The following ABLIM1 variants were observed in gnomAD, a reference collection of about 807,000 sequenced individuals.
ABLIM1 encodes the protein actin-binding LIM protein 1.
ABLIM1 carries 40 observed loss-of-function variants against 107.0 expected under a neutral mutation model. The observed-to-expected ratio is 0.37, with a 90% CI of 0.29 to 0.49. The LOEUF (loss-of-function observed/expected upper bound fraction) is 0.49, where lower values mean the gene tolerates loss of function less well. ABLIM1 is among the 20% of genes least tolerant of loss of function. The pLI is 0.97. For synonymous variants in ABLIM1, 357 were observed against 357.3 expected, an observed-to-expected ratio of 1.00 and a Z score of 0.01; for missense variants, 857 against 1,008.5, an observed-to-expected ratio of 0.85 and a Z score of 2.04.
At chr10:114,737,663 C>T (rs919364240) in intron 1 of ABLIM1, among the ~76,000 whole-genome samples, 1 of 152,062 alleles carries the variant, frequency 6.6e-6, no homozygotes, top group Non-Finnish European at 1.5e-5. Context: ...AGATGATGTA[C>T]TAAAGGAACT....
At chr10:114,700,732 C>T (rs532634834) in intron 1 of ABLIM1, among the ~76,000 whole-genome samples, 1 of 150,060 alleles carries the variant, frequency 6.7e-6, no homozygotes, top group African/African-American at 2.5e-5. Flanking sequence ...ATTATATATC[C>T]CTGTGAAAAA....
chr10:114,494,258 C>T (rs142322125), intron 6 of ABLIM1, among the ~76,000 whole-genome samples: 3 of 152,306 alleles, frequency 2.0e-5, no homozygotes, highest in Admixed American at 6.5e-5. Flanking sequence ...CCAGTCTGGG[C>T]GTGGTGGCTC....
At chr10:114,477,614 C>T (rs533568419) in intron 8 of ABLIM1, among the ~76,000 whole-genome samples, 3 of 152,296 alleles carry the variant, frequency 2.0e-5, no homozygotes, top group Admixed American at 6.5e-5. Context: ...TGAAGAACAA[C>T]GCACGCACAT....
intron 1 of ABLIM1, among the ~76,000 whole-genome samples, chr10:114,663,878 G>A (rs532331183): frequency 5.3e-5 from 8 of 152,320 alleles, no homozygotes; most frequent in Admixed American, 2.0e-4. Flanking sequence ...GGTACACGGT[G>A]CCTGCCTGCT....
the ABLIM1 span, among the ~76,000 whole-genome samples, chr10:114,799,428 TCTC>T: frequency 6.6e-6 from 1 of 152,200 alleles, no homozygotes; most frequent in Non-Finnish European, 1.5e-5. Context: ...CTCTTCAGCA[TCTC>T]CATCTGGATA....
chr10:114,542,605 A>C (rs1311380487), intron 6 of ABLIM1, among the ~76,000 whole-genome samples: 1 of 150,768 alleles, frequency 6.6e-6, no homozygotes, highest in Non-Finnish European at 1.5e-5. Flanking sequence ...AGGAAGAAGA[A>C]GAAAAAAGAA....
intron 1 of ABLIM1, among the ~76,000 whole-genome samples, chr10:114,609,964 C>T (rs147384925): frequency 7.2e-4 from 110 of 152,290 alleles, no homozygotes; most frequent in African/African-American, 2.5e-3. Flanking sequence ...TAAGAAGAAA[C>T]AGTCTTACTT....
At chr10:114,654,949 T>C (rs1446890403) in intron 1 of ABLIM1, among the ~76,000 whole-genome samples, 1 of 152,184 alleles carries the variant, frequency 6.6e-6, no homozygotes. Context: ...GTGGCATTTC[T>C]TTCCCAAGAC....
intron 8 of ABLIM1, among the ~76,000 whole-genome samples, chr10:114,481,445 A>G (rs558699080): frequency 1.3e-5 from 2 of 151,666 alleles, no homozygotes; most frequent in South Asian, 4.2e-4. Context: ...GGTGACTGAC[A>G]CCTTATACTA....
intron 1 of ABLIM1, among the ~76,000 whole-genome samples, chr10:114,670,141 G>A (rs116153637): frequency 1.9e-3 from 295 of 152,230 alleles, no homozygotes; most frequent in African/African-American, 6.8e-3. Flanking sequence ...GCTGAAGAAC[G>A]CGGGCCAAAG....
intron 1 of ABLIM1, among the ~76,000 whole-genome samples, chr10:114,683,903 T>A (rs996715219): frequency 4.6e-5 from 7 of 152,056 alleles, no homozygotes; most frequent in Non-Finnish European, 5.9e-5. Context: ...AGGGAAAGCA[T>A]CCTAGAGATG....
At chr10:114,584,433 C>T (rs1040383885) in intron 2 of ABLIM1, among the ~76,000 whole-genome samples, 1 of 152,124 alleles carries the variant, frequency 6.6e-6, no homozygotes, top group Non-Finnish European at 1.5e-5. Flanking sequence ...CTTCTCAAAC[C>T]ACCAAAAATT....
intron 1 of ABLIM1, chr10:114,690,104 AGGAAG>A: frequency 8.9e-7 from 1 of 1,124,014 alleles, no homozygotes; most frequent in South Asian, 1.4e-5. Context: ...GAGCTACAAA[AGGAAG>A]GGTCTGGTGG....
At chr10:114,440,701 T>G in intron 19 of ABLIM1, 1 of 433,642 alleles carries the variant, frequency 2.3e-6, no homozygotes, top group Non-Finnish European at 4.4e-6. Flanking sequence ...CTTCAAGTAA[T>G]CCTTCCGCCT....
chr10:114,442,296 C>T (rs2060305159), intron 17 of ABLIM1, among the ~76,000 whole-genome samples: 1 of 152,168 alleles, frequency 6.6e-6, no homozygotes, highest in Non-Finnish European at 1.5e-5. Flanking sequence ...TCAAGATCTA[C>T]CAGCCATCTA....
intron 1 of ABLIM1, among the ~76,000 whole-genome samples, chr10:114,615,740 T>G (rs2077089682): frequency 6.6e-6 from 1 of 151,860 alleles, no homozygotes; most frequent in Non-Finnish European, 1.5e-5. Context: ...CTACTATCAG[T>G]TAGGTAATTT....
intron 6 of ABLIM1, among the ~76,000 whole-genome samples, chr10:114,500,683 G>GAA (rs71007473): frequency 0.017 from 896 of 52,556 alleles, 34 homozygotes; most frequent in Middle Eastern, 0.043. Context: ...TGTGTCGAAA[G>GAA]AAAAAAAAAA....
the ABLIM1 span, among the ~76,000 whole-genome samples, chr10:114,798,857 G>A: frequency 0.011 from 1,642 of 151,872 alleles, 35 homozygotes; most frequent in African/African-American, 0.036. Context: ...GTGCAGTGGC[G>A]CGATCTCAGC....
At chr10:114,630,899 G>GA (rs1303671837) in intron 1 of ABLIM1, among the ~76,000 whole-genome samples, 1 of 152,016 alleles carries the variant, frequency 6.6e-6, no homozygotes, top group East Asian at 1.9e-4. Context: ...TAATAAAAGA[G>GA]AAAAAAATAA....
Sources: gnomAD v4.1 joint callset for allele counts (sites outside exome capture counted in the v4.1 genomes callset) on GRCh38, gnomAD v4.1.1 for gene constraint, MANE v1.5 for transcripts, NCBI Gene and HGNC (gene_info 2026-07-23, HGNC 2026-07-21) for gene names.